PTPRD: variants seen among roughly 807,000 people sequenced by gnomAD.
The protein encoded by PTPRD is receptor-type tyrosine-protein phosphatase delta.
Under a neutral mutation model 214.5 loss-of-function variants are expected in PTPRD, and 34 were observed. The observed-to-expected ratio is 0.16, with a 90% CI of 0.12 to 0.21. The LOEUF is 0.21. Ranked by LOEUF, PTPRD falls within the 10% of genes least tolerant of loss-of-function variation. The probability of loss-of-function intolerance (pLI) is 1.00; values close to 1 mark genes in which losing one functional copy is unlikely to be tolerated. For synonymous variants in PTPRD, 1,128 were observed against 845.7 expected, an observed-to-expected ratio of 1.33 and a Z score of -5.79; for missense variants, 2,545 against 2,398.7, an observed-to-expected ratio of 1.06 and a Z score of -1.27.
intron 10 of PTPRD, among the ~76,000 whole-genome samples, chr9:9,045,356 G>A (rs551250203): frequency 2.0e-5 from 3 of 152,260 alleles, no homozygotes; most frequent in Non-Finnish European, 4.4e-5. Context: ...CACAGTGCTT[G>A]AGTGTTGGCC....
chr9:8,615,763 GA>G (rs1443396226), intron 14 of PTPRD, among the ~76,000 whole-genome samples: 1 of 151,902 alleles, frequency 6.6e-6, no homozygotes, highest in African/African-American at 2.4e-5. Context: ...ATTTTGAGAG[GA>G]AAATGCATGC....
chr9:9,600,710 G>A (rs1011224347), intron 7 of PTPRD, among the ~76,000 whole-genome samples: 1 of 151,928 alleles, frequency 6.6e-6, no homozygotes, highest in African/African-American at 2.4e-5. Flanking sequence ...ACAAGCTATG[G>A]GTAGTATTGA....
At chr9:8,744,695 G>C (rs1028260132) in intron 11 of PTPRD, among the ~76,000 whole-genome samples, 1 of 152,224 alleles carries the variant, frequency 6.6e-6, no homozygotes, top group African/African-American at 2.4e-5. Flanking sequence ...ATTGGGTGCA[G>C]TGTACACTGC....
intron 2 of PTPRD, among the ~76,000 whole-genome samples, chr9:10,571,505 A>T (rs1268483106): frequency 6.6e-6 from 1 of 152,118 alleles, no homozygotes; most frequent in Admixed American, 6.6e-5. Flanking sequence ...GCCTTGATTT[A>T]AATCCAGGTT....
At position 9,287,272 on chromosome 9, in the gene PTPRD, G is replaced by A. The variant is rs554654284; in HGVS notation, c.-202-103909C>T. 7.3e-5 allele frequency among the ~76,000 whole-genome samples: 11 copies of A among 151,708 alleles called. No homozygotes were observed. The East Asian group carries it at 2.2e-3, about 30-fold the overall frequency. The stretch of plus-strand genomic sequence containing the variant: ...TTAGTATAGGAATGTTGGCATAAAT[G>A]TTTATGTGCTAGCCCCATTTAAAAA... On this transcript the variant is annotated intron_variant, in intron 9 of 45. Coordinates refer to ENST00000381196, the MANE Select transcript of PTPRD (RefSeq NM_002839.4).
chr9:8,379,322 C>T (rs1009847732), intron 37 of PTPRD, among the ~76,000 whole-genome samples: 2 of 152,018 alleles, frequency 1.3e-5, no homozygotes, highest in Admixed American at 6.6e-5. Flanking sequence ...TACATTTTTC[C>T]CTTTGCTGGT....
chr9:10,532,820 T>A (rs833432), intron 2 of PTPRD, among the ~76,000 whole-genome samples: 1 of 151,556 alleles, frequency 6.6e-6, no homozygotes, highest in Non-Finnish European at 1.5e-5. Context: ...TTCTCTTAGG[T>A]TGTGGTTTTC....
Position 10,535,046 on chromosome 9 carries a change from C to T in PTPRD, c.-600+77352G>A, listed in dbSNP as rs563783613. ...GCTGCTATAAACAAAGAGTTGTTTA[C>T]AGCTGGGGGATGGCAGGTACCAACA... On this transcript the variant is annotated intron_variant, in intron 2 of 45. Coordinates refer to ENST00000381196, the MANE Select transcript of PTPRD (RefSeq NM_002839.4). Among the ~76,000 whole-genome samples the T allele has an allele frequency of 5.1e-4, 77 of 152,284 alleles. No individual in the cohort carries two copies. In the South Asian group the frequency reaches 0.013, roughly 25 times the overall value.
At chr9:8,626,884 T>A (rs1044806786) in intron 14 of PTPRD, among the ~76,000 whole-genome samples, 5 of 151,716 alleles carry the variant, frequency 3.3e-5, no homozygotes, top group African/African-American at 1.2e-4. Context: ...GTCAGCTAAT[T>A]TGTTAAAATA....
chr9:8,612,195 A>G (rs973026981), intron 14 of PTPRD, among the ~76,000 whole-genome samples: 1 of 152,242 alleles, frequency 6.6e-6, no homozygotes, highest in Non-Finnish European at 1.5e-5. Context: ...TGATATTTCA[A>G]TGTTAACTAC....
intron 11 of PTPRD, among the ~76,000 whole-genome samples, chr9:8,760,237 A>G (rs1037058335): frequency 1.3e-5 from 2 of 151,878 alleles, no homozygotes; most frequent in African/African-American, 4.9e-5. Flanking sequence ...AAGCTTAGTC[A>G]GAATTTTAAA....
At chr9:8,684,452 T>C (rs1565258921) in intron 12 of PTPRD, among the ~76,000 whole-genome samples, 1 of 152,080 alleles carries the variant, frequency 6.6e-6, no homozygotes. Flanking sequence ...CCCATGATAC[T>C]CCTCTTTCCT....
chr9:10,421,319 A>T (rs902021880), intron 2 of PTPRD, among the ~76,000 whole-genome samples: 11 of 151,578 alleles, frequency 7.3e-5, no homozygotes, highest in Non-Finnish European at 1.6e-4. Flanking sequence ...ACATACACAC[A>T]CTCATGTTTA....
At chr9:9,353,830 C>T (rs190256140) in intron 9 of PTPRD, among the ~76,000 whole-genome samples, 80 of 151,926 alleles carry the variant, frequency 5.3e-4, no homozygotes, top group Non-Finnish European at 9.9e-4. Context: ...TTCAAAAGCT[C>T]GGGTCTGATG....
At chr9:9,411,017 T>C (rs905804052) in intron 8 of PTPRD, among the ~76,000 whole-genome samples, 2 of 151,998 alleles carry the variant, frequency 1.3e-5, no homozygotes, top group Non-Finnish European at 2.9e-5. Flanking sequence ...TGCTTTTTTT[T>C]CCCACCACAG....
chr9:9,297,283 C>G (rs956001210), intron 9 of PTPRD, among the ~76,000 whole-genome samples: 1 of 151,544 alleles, frequency 6.6e-6, no homozygotes, highest in Admixed American at 6.6e-5. Context: ...TTCTATTTTT[C>G]TGCAATCTTT....
intron 5 of PTPRD, among the ~76,000 whole-genome samples, chr9:9,853,871 G>T (rs1484912768): frequency 6.6e-6 from 1 of 152,092 alleles, no homozygotes; most frequent in Non-Finnish European, 1.5e-5. Flanking sequence ...TTTTTAAAAT[G>T]AATAACACAT....
At chr9:9,937,622 C>T (rs898100333) in intron 5 of PTPRD, among the ~76,000 whole-genome samples, 1 of 152,066 alleles carries the variant, frequency 6.6e-6, no homozygotes, top group Non-Finnish European at 1.5e-5. Context: ...TGAGGTATTT[C>T]ATAAATAGAC....
At chr9:8,672,246 T>A (rs1381828617) in intron 12 of PTPRD, among the ~76,000 whole-genome samples, 2 of 152,172 alleles carry the variant, frequency 1.3e-5, no homozygotes, top group East Asian at 1.9e-4. Context: ...ATAATTTTAT[T>A]AGTACAGAAG....
Sources: gnomAD v4.1 joint callset for allele counts (sites outside exome capture counted in the v4.1 genomes callset) on GRCh38, gnomAD v4.1.1 for gene constraint, MANE v1.5 for transcripts, NCBI Gene and HGNC (gene_info 2026-07-23, HGNC 2026-07-21) for gene names.